Variants in SEMA6C observed in about 807,000 individuals in gnomAD.
SEMA6C encodes semaphorin 6C.
A neutral mutation model predicts 72.9 loss-of-function variants in SEMA6C; 37 were observed. The ratio of observed to expected loss-of-function variants is 0.51; its 90% CI spans 0.39 to 0.67. SEMA6C has a LOEUF of 0.67. Among genes scored for constraint, SEMA6C ranks in the 30% least tolerant of loss-of-function variants. The pLI is 0.00. For synonymous variants in SEMA6C, 578 were observed against 554.1 expected (o/e 1.04, Z -0.61); for missense variants, 1,189 against 1,263.6 (o/e 0.94, Z 0.89).
chr1:151,139,545 C>A, intron 5 of SEMA6C, 64 bp from the exon 6 acceptor site: 1 of 1,602,530 alleles, frequency 6.2e-7, no homozygotes, highest in Non-Finnish European at 8.6e-7. Context: ...CATTATGGCT[C>A]CTTTTAGATT....
At chr1:151,139,770 C>G in intron 4 of SEMA6C, 69 bp from the exon 5 acceptor site, 1 of 1,450,308 alleles carries the variant, frequency 6.9e-7, no homozygotes, top group Non-Finnish European at 9.4e-7. Context: ...GTCAGCTGTT[C>G]AGGGACAAAC....
intron 7 of SEMA6C, 28 bp downstream of exon 7, chr1:151,138,602 A>T: frequency 2.5e-6 from 4 of 1,603,866 alleles, no homozygotes; most frequent in Non-Finnish European, 3.4e-6. Context: ...CCCAACTCCC[A>T]TCCTAACCCC....
In SEMA6C at chr1:151,140,052, C is replaced by T; in HGVS notation, c.157G>A (p.Asp53Asn). Residue 53 changes from aspartate to asparagine, a missense_variant, in exon 4 of 19, where the codon GAT becomes AAT. Physicochemically the swap from Asp to Asn is conservative, Grantham distance 23. This residue lies in a region of SEMA6C where 468 missense variants were observed against 577.4 expected (regional missense o/e 0.81). Coordinates refer to ENST00000368914, the MANE Select transcript of SEMA6C (RefSeq NM_030913.6). ...AGCCCAAGTTCTGCAGCCACAGCAT[C>T]ATCCTCCAGGCCCCGAAACCAGGAT... is the stretch of plus-strand genomic sequence containing the variant. ...PLSWFRGLED[D>N]AVAAELGLDF... 1.2e-6 allele frequency: 2 copies of T among 1,614,148 alleles called. No individual in the cohort carries two copies. The highest frequency in any genetic ancestry group is 1.7e-6 in the Non-Finnish European group (2 of 1,180,030).
chr1:151,139,565 A>C (rs1351905004), intron 5 of SEMA6C, 73 bp downstream of exon 5: 1 of 1,601,914 alleles, frequency 6.2e-7, no homozygotes, highest in Non-Finnish European at 8.6e-7. Flanking sequence ...TCTTCTTCCC[A>C]CCCACCTGAC....
chr1:151,135,139 G>A, intron 15 of SEMA6C, 24 bp downstream of exon 15: 1 of 1,611,158 alleles, frequency 6.2e-7, no homozygotes, highest in Non-Finnish European at 8.5e-7. Context: ...GCCCACACAG[G>A]GCCTGGCCTC....
At position 151,132,639 on chromosome 1, in the gene SEMA6C, C is replaced by T. The variant is rs1261328887; in HGVS notation, c.2638G>A (p.Gly880Arg). ...GGPSRYSGGP[G>R]KHLLYLGRPE... ...CGGCCCAGGTACAGGAGGTGCTTCC[C>T]GGGACCCCCGGAGTACCTGGAGGGA... Residue 880 changes from glycine (G) to arginine (R), a missense_variant, in exon 19 of 19, where the codon GGG (glycine) becomes AGG (arginine). Physicochemically the swap from Gly to Arg is moderately radical, Grantham distance 125. This residue lies in a region of SEMA6C where 721 missense variants were observed against 686.2 expected (regional missense o/e 1.05). Coordinates refer to ENST00000368914, the MANE Select transcript of SEMA6C (RefSeq NM_030913.6). 9 of 1,550,326 alleles carry T rather than the reference C, an allele frequency of 5.8e-6. No homozygotes were observed. Among genetic ancestry groups the T allele is most frequent in the Non-Finnish European group, 7.8e-6 (9 of 1,146,880 alleles).
intron 10 of SEMA6C, 35 bp downstream of exon 10, chr1:151,137,676 C>G: frequency 6.4e-7 from 1 of 1,568,878 alleles, no homozygotes; most frequent in Non-Finnish European, 8.7e-7. Flanking sequence ...CCAGCAGAAC[C>G]CTCCAGCTAC....
In SEMA6C at chr1:151,137,034, A is replaced by T. The variant is rs1489601131; in HGVS notation, c.797T>A (p.Met266Lys). The change falls in exon 11 of 19, where the codon ATG becomes AAG. Residue 266 changes from methionine to lysine, a missense_variant. Met to Lys is a moderately conservative substitution (Grantham distance 95). Around this residue, in one of 2 missense-constraint regions of SEMA6C, gnomAD observed 468 missense variants for 577.4 expected, o/e 0.81. Transcript: ENST00000368914. ...GTCCAAGGCCCGAGGCGAGCCGCCCATGTCACGTTTACATACTCGGGCTAC... is the reference window on the plus strand; with the variant it reads ...GTCCAAGGCCCGAGGCGAGCCGCCCTTGTCACGTTTACATACTCGGGCTAC... ...SRVARVCKRD[M>K]GGSPRALDRH... 7 of 1,613,830 alleles carry T rather than the reference A, an allele frequency of 4.3e-6. No individual in the cohort carries two copies. Among genetic ancestry groups the T allele is most frequent in the South Asian group, 1.1e-5 (1 of 91,074 alleles).
Position 151,132,915 on chromosome 1 carries a change from C to CG in SEMA6C, c.2361dup (p.Ala788ArgfsTer240), listed in dbSNP as rs1681682112. ...GGGAGCGCCCGCGAGGTTAAAGGGGCGGGGGGCTCGGCCCCCTTTCTGGGC... is the reference window on the plus strand; with the variant it reads ...GGGAGCGCCCGCGAGGTTAAAGGGGCGGGGGGGCTCGGCCCCCTTTCTGGGC... On this transcript the variant is annotated frameshift_variant, in exon 19 of 19. Coordinates refer to ENST00000368914, the MANE Select transcript of SEMA6C (RefSeq NM_030913.6). LOFTEE classifies it low-confidence loss of function (END_TRUNC). The CG allele has an allele frequency of 1.0e-5, 14 of 1,377,034 alleles. No individual in the cohort carries two copies. Among genetic ancestry groups the CG allele is most frequent in the Middle Eastern group, 2.5e-4 (1 of 4,010 alleles). 85.3% of individuals were successfully genotyped at this position (1,377,034 alleles called of 1,614,324 possible).
chr1:151,133,321 G>C lies in SEMA6C; in HGVS notation c.1956C>G (p.Arg652=). The C allele has an allele frequency of 6.3e-7, 1 of 1,592,864 alleles. No individual in the cohort carries two copies. Among genetic ancestry groups the C allele is most frequent in the Non-Finnish European group, 8.5e-7 (1 of 1,172,586 alleles). ...TPGLPRPLSL[R]SLARLHGGGP... ...CCCCACCGTGGAGCCGGGCCAAACT[G>C]CGGAGGGAGAGAGGGCGCGGGAGCC... The change falls in exon 19 of 19, where the codon CGC becomes CGG. Residue 652 remains arginine (R), a synonymous_variant. Coordinates refer to ENST00000368914, the MANE Select transcript of SEMA6C (RefSeq NM_030913.6). This position sits in a 1 kb window ranked among gnomAD's most constrained non-coding sequence, Gnocchi z 5.9.
chr1:151,139,543 C>T, intron 5 of SEMA6C, 62 bp from the exon 6 acceptor site: 1 of 1,602,912 alleles, frequency 6.2e-7, no homozygotes, highest in Non-Finnish European at 8.5e-7. Context: ...CACATTATGG[C>T]TCCTTTTAGA....
chr1:151,134,614 G>A lies in SEMA6C; in HGVS notation c.1714+6C>T. On this transcript the variant is annotated splice_donor_region_variant and intron_variant, in intron 17 of 18. Coordinates refer to ENST00000368914, the MANE Select transcript of SEMA6C (RefSeq NM_030913.6). ...GGCTGCAACAGCAGCTGCCTCTTCTGTTTACCTTGGCAGTCACCATGCTCC... is the reference window on the plus strand; with the variant it reads ...GGCTGCAACAGCAGCTGCCTCTTCTATTTACCTTGGCAGTCACCATGCTCC... 3.1e-6 allele frequency: 5 copies of A among 1,614,166 alleles called. No individual in the cohort carries two copies. The highest frequency in any genetic ancestry group is 4.2e-6 in the Non-Finnish European group (5 of 1,180,016).
Position 151,137,061 on chromosome 1 carries a change from C to T in SEMA6C, c.770G>A (p.Arg257His), listed in dbSNP as rs762029908. ...GTCACGTTTACATACTCGGGCTACG[C>T]GGGAGAACTGCACCTAGGGGAGGAG... Reference protein sequence around the residue: ...DARLGRVQFSRVARVCKRDMG... With the variant: ...DARLGRVQFSHVARVCKRDMG... The change falls in exon 11 of 19, where the codon CGC (arginine) becomes CAC (histidine). Residue 257 changes from arginine to histidine, a missense_variant. By Grantham distance (29) the Arg-to-His change is conservative (BLOSUM62 0). Around this residue, in one of 2 missense-constraint regions of SEMA6C, gnomAD observed 468 missense variants for 577.4 expected, o/e 0.81. Coordinates refer to ENST00000368914, the MANE Select transcript of SEMA6C (RefSeq NM_030913.6). 5 of 1,613,242 alleles carry T rather than the reference C, an allele frequency of 3.1e-6. No individual in the cohort carries two copies. The highest frequency in any genetic ancestry group is 1.3e-5 in the African/African-American group (1 of 74,998).
At position 151,137,075 on chromosome 1, in the gene SEMA6C, C is replaced by G. The variant is rs1433593307; in HGVS notation, c.757-1G>C. On this transcript the variant is annotated splice_acceptor_variant, in intron 10 of 18. Coordinates refer to ENST00000368914, the MANE Select transcript of SEMA6C (RefSeq NM_030913.6). LOFTEE classifies it high-confidence loss of function. ...CTCGGGCTACGCGGGAGAACTGCAC[C>G]TAGGGGAGGAGAGTGGAGTAGACAA... is the stretch of plus-strand genomic sequence containing the variant. 6.2e-7 allele frequency: 1 copy of G among 1,612,618 alleles called. No individual in the cohort carries two copies. The highest frequency in any genetic ancestry group is 8.5e-7 in the Non-Finnish European group (1 of 1,179,846).
At position 151,132,880 on chromosome 1, in the gene SEMA6C, G is replaced by C; in HGVS notation, c.2397C>G (p.Pro799=). 1 of 1,300,902 alleles carries C rather than the reference G, an allele frequency of 7.7e-7. No individual in the cohort carries two copies. The highest frequency in any genetic ancestry group is 9.8e-7 in the Non-Finnish European group (1 of 1,024,450). 80.6% of individuals were successfully genotyped at this position (1,300,902 alleles called of 1,614,324 possible). Residue 799 remains proline, a synonymous_variant, in exon 19 of 19, where the codon CCC becomes CCG. Transcript: ENST00000368914. ...TGGGGCCGCCCAAGAGGGCGGGGGC[G>C]GGCTCCGGCGGGAGCGCCCGCGAGG... ...PLTSRALPPE[P]APALLGGPSP...
At chr1:151,141,630 C>T (rs1004101946) in intron 3 of SEMA6C, among the ~76,000 whole-genome samples, 1 of 151,866 alleles carries the variant, frequency 6.6e-6, no homozygotes, top group Admixed American at 6.6e-5. Context: ...AGGCAGGTCT[C>T]GAACTCCTGA....
rs368146716 is a variant in SEMA6C, at chr1:151,146,361, G to GC, written c.-105+71dup. ...TGGTCCCCTAGCGCTTCAGAAGCTTGCCCCCCGCCGGCCGCGCCCTCCTGC... is the reference window on the plus strand; with the variant it reads ...TGGTCCCCTAGCGCTTCAGAAGCTTGCCCCCCCGCCGGCCGCGCCCTCCTGC... On this transcript the variant is annotated intron_variant, in intron 1 of 18. Coordinates refer to ENST00000368914, the MANE Select transcript of SEMA6C (RefSeq NM_030913.6). The surrounding 1 kb of genome is among the most constrained non-coding windows in gnomAD (Gnocchi z 4.6). 1,820 of 152,722 alleles carry GC rather than the reference G, an allele frequency of 0.012. 43 individuals carry two copies. Among genetic ancestry groups the GC allele is most frequent in the African/African-American group, 0.041 (1,720 of 41,564 alleles). The allele number at this position is 152,722 out of a possible 1,614,324, so 9.5% of individuals were successfully genotyped here. A position where few individuals can be genotyped will look rare whatever the true frequency, so the allele number is the denominator to read the frequency against.
Position 151,136,529 on chromosome 1 carries a change from C to T in SEMA6C, c.1025G>A (p.Gly342Glu). ...CTGCTCCTTGAACTTGCCCTCAAAC[C>T]CACGCTCAATCTCATCCAGGTAGAA... ...CAFYLDEIER[G>E]FEGKFKEQRS... Residue 342 changes from glycine to glutamate, a missense_variant, in exon 12 of 19, where the codon GGG becomes GAG. Physicochemically the swap from Gly to Glu is moderately conservative, Grantham distance 98. Around this residue, in one of 2 missense-constraint regions of SEMA6C, gnomAD observed 468 missense variants for 577.4 expected, o/e 0.81. Coordinates refer to ENST00000368914, the MANE Select transcript of SEMA6C (RefSeq NM_030913.6). 6.2e-7 allele frequency: 1 copy of T among 1,614,100 alleles called. No individual in the cohort carries two copies. The highest frequency in any genetic ancestry group is 8.5e-7 in the Non-Finnish European group (1 of 1,180,010).
intron 5 of SEMA6C, 21 bp from the exon 6 acceptor site, chr1:151,139,502 G>C (rs377245163): frequency 4.6e-5 from 74 of 1,612,912 alleles, no homozygotes; most frequent in Non-Finnish European, 6.3e-5. Flanking sequence ...AAGTTGAAGA[G>C]GGAAAATCAT....
Sources: gnomAD v4.1 joint callset for allele counts (sites outside exome capture counted in the v4.1 genomes callset) on GRCh38, gnomAD v4.1.1 for gene constraint, gnomAD v4.1.1 regional missense constraint, Gnocchi (gnomAD v3.1) non-coding constraint, MANE v1.5 for transcripts, NCBI Gene and HGNC (gene_info 2026-07-23, HGNC 2026-07-21) for gene names.